The following VSTM1 variants were observed in gnomAD, a reference collection of about 807,000 sequenced individuals.
The protein encoded by VSTM1 is V-set and transmembrane domain-containing protein 1.
VSTM1 carries 27 observed loss-of-function variants against 33.1 expected under a neutral mutation model. That is an observed-to-expected ratio of 0.82 (90% CI 0.60 to 1.12). The LOEUF (loss-of-function observed/expected upper bound fraction) is 1.12. Among genes scored for constraint, VSTM1 ranks in the 50% most tolerant of loss-of-function variants. VSTM1 has a pLI of 0.00. For synonymous variants in VSTM1, 115 were observed against 110.3 expected (o/e 1.04, Z -0.27); for missense variants, 304 against 288.9 (o/e 1.05, Z -0.38).
At chr19:54,049,037 T>C (rs188600686) in intron 4 of VSTM1, among the ~76,000 whole-genome samples, 14 of 152,204 alleles carry the variant, frequency 9.2e-5, no homozygotes, top group Middle Eastern at 3.4e-3. Context: ...TGAGCTGAGA[T>C]TGTGCCACTG....
intron 6 of VSTM1, 84 bp from the exon 7 acceptor site, chr19:54,042,037 G>A: frequency 2.5e-6 from 4 of 1,604,716 alleles, no homozygotes; most frequent in Non-Finnish European, 3.4e-6. Context: ...GAGGAAGGGA[G>A]AAGAAGGGAG....
intron 6 of VSTM1, 35 bp from the exon 7 acceptor site, chr19:54,041,988 G>C: frequency 6.2e-7 from 1 of 1,614,008 alleles, no homozygotes; most frequent in South Asian, 1.1e-5. Flanking sequence ...AGGATGGGAT[G>C]TGAAGATTTC....
Position 54,042,163 on chromosome 19 carries a change from A to G in VSTM1, c.515+6T>C, listed in dbSNP as rs757417474. The G allele has an allele frequency of 1.1e-5, 18 of 1,613,934 alleles. No homozygotes were observed. In the South Asian group the frequency reaches 1.9e-4, roughly 17 times the overall value. ...AAGTGGAGCATGAGCTATGCCAAGC[A>G]TCTACCTCTTGGTGGATTCCTCAGA... On this transcript the variant is annotated splice_donor_region_variant and intron_variant, in intron 6 of 8. Coordinates refer to ENST00000338372, the MANE Select transcript of VSTM1 (RefSeq NM_198481.4).
rs1367593974 is a variant in VSTM1 at position 54,057,822 on chromosome 19, A to AG, written c.355+483dup. On this transcript the variant is annotated intron_variant, in intron 3 of 8. Transcript: ENST00000338372. ...AGACTCCCTCTCAAAAAAAAAAAAAAGGCTGGGTGTGGAGGTTCACGTTTA... is the reference window on the plus strand; with the variant it reads ...AGACTCCCTCTCAAAAAAAAAAAAAAGGGCTGGGTGTGGAGGTTCACGTTTA... Among the ~76,000 whole-genome samples, 17 of 149,058 alleles carry AG rather than the reference A, an allele frequency of 1.1e-4. No individual in the cohort carries two copies. In the East Asian group the frequency reaches 3.3e-3, roughly 29 times the overall value.
Position 54,063,820 on chromosome 19 carries a change from C to A in VSTM1, c.-43G>T. 1 of 1,612,274 alleles carries A rather than the reference C, an allele frequency of 6.2e-7. No individual in the cohort carries two copies. ...AACCAAGGCCCCGCCTTGGGTTTTA[C>A]CCTTCAAAGGCGGAGCGGGACTGGG... On this transcript the variant is annotated 5_prime_UTR_variant, in exon 1 of 9. Coordinates refer to ENST00000338372, the MANE Select transcript of VSTM1 (RefSeq NM_198481.4).
At chr19:54,042,806 G>GTATATATA (rs1203522841) in intron 4 of VSTM1, among the ~76,000 whole-genome samples, 1,005 of 57,624 alleles carry the variant, frequency 0.017, 23 homozygotes, top group East Asian at 0.034. Flanking sequence ...ATATAAATGT[G>GTATATATA]TATATATATA....
chr19:54,048,419 A>T, intron 4 of VSTM1: 2 of 337,510 alleles, frequency 5.9e-6, no homozygotes, highest in South Asian at 4.2e-5. Context: ...CCCGGCAAAG[A>T]TATTTTATTC....
At chr19:54,042,234 A>G in intron 5 of VSTM1, 38 bp from the exon 6 acceptor site, 1 of 1,613,946 alleles carries the variant, frequency 6.2e-7, no homozygotes. Flanking sequence ...TACCGAGAAA[A>G]TCCTTCACTC....
chr19:54,056,879 G>A (rs1167788681), intron 3 of VSTM1, among the ~76,000 whole-genome samples: 2 of 137,940 alleles, frequency 1.4e-5, no homozygotes, highest in Admixed American at 7.5e-5. Flanking sequence ...TTTAGACGGA[G>A]TCTTGCTCTT....
At chr19:54,042,731 C>CAT (rs1336139150) in intron 4 of VSTM1, among the ~76,000 whole-genome samples, 31 of 124,874 alleles carry the variant, frequency 2.5e-4, no homozygotes, top group East Asian at 7.4e-4. Flanking sequence ...CCAGGTGCTC[C>CAT]ATATATATAT....
In VSTM1 at chr19:54,063,827, A is replaced by G. The variant is rs2146175850; in HGVS notation, c.-50T>C. On this transcript the variant is annotated 5_prime_UTR_variant, in exon 1 of 9. Transcript: ENST00000338372. ...GCCCCGCCTTGGGTTTTACCCTTCA[A>G]AGGCGGAGCGGGACTGGGCCGGCCG... 1 of 1,608,930 alleles carries G rather than the reference A, an allele frequency of 6.2e-7. No homozygotes were observed. The highest frequency in any genetic ancestry group is 8.5e-7 in the Non-Finnish European group (1 of 1,176,766).
intron 1 of VSTM1, 116 bp downstream of exon 1, chr19:54,063,628 G>T: frequency 7.6e-7 from 1 of 1,314,802 alleles, no homozygotes; most frequent in Non-Finnish European, 1.1e-6. Flanking sequence ...CCCACCGCAG[G>T]TGTGCAACAC....
In VSTM1 at chr19:54,041,779, C is replaced by G. The variant is rs368951394; in HGVS notation, c.591G>C (p.Ser197=). Residue 197 remains serine, a splice_region_variant and synonymous_variant, in exon 8 of 9, where the codon TCG becomes TCC. Transcript: ENST00000338372. ...GGGACTCCTAAGCGGGAGGACTCAC[C>G]GAGAGAGATACCCTTTCCATATTGG... The part of the protein sequence containing the change: ...DLSNMERVSL[S]TADPQGVTYA... 1 of 1,613,140 alleles carries G rather than the reference C, an allele frequency of 6.2e-7. No homozygotes were observed. Among genetic ancestry groups the G allele is most frequent in the South Asian group, 1.1e-5 (1 of 90,890 alleles).
At chr19:54,063,113 G>C (rs532332823) in intron 1 of VSTM1, among the ~76,000 whole-genome samples, 1 of 152,022 alleles carries the variant, frequency 6.6e-6, no homozygotes, top group Admixed American at 6.6e-5. Context: ...TGAGGCGGGC[G>C]GATCACCTGA....
At chr19:54,051,992 C>T (rs541659278) in intron 3 of VSTM1, among the ~76,000 whole-genome samples, 127 of 152,200 alleles carry the variant, frequency 8.3e-4, no homozygotes, top group Non-Finnish European at 1.3e-3. Context: ...AACTCCTGGC[C>T]TCAAGTGATC....
At chr19:54,049,740 A>G (rs575687225) in intron 4 of VSTM1, among the ~76,000 whole-genome samples, 4 of 152,300 alleles carry the variant, frequency 2.6e-5, no homozygotes, top group African/African-American at 7.2e-5. Context: ...ATGGAATAAA[A>G]ACGTTTCAAA....
chr19:54,052,981 CAAAAAAAAA>C, intron 3 of VSTM1: 3 of 49,522 alleles, frequency 6.1e-5, no homozygotes, highest in South Asian at 1.3e-3. Flanking sequence ...GACCCTGTCT[CAAAAAAAAA>C]AAAAAAAAAA....
intron 4 of VSTM1, among the ~76,000 whole-genome samples, chr19:54,043,911 G>T (rs1290682626): frequency 1.3e-5 from 2 of 151,972 alleles, no homozygotes; most frequent in Non-Finnish European, 2.9e-5. Context: ...GGAGGTCACA[G>T]ATGGGAGCTC....
At chr19:54,062,922 T>C (rs8111849) in intron 1 of VSTM1, among the ~76,000 whole-genome samples, 28,679 of 151,994 alleles carry the variant, frequency 0.19, 2,872 homozygotes, top group South Asian at 0.22. Context: ...CTAGAGTTTC[T>C]ATGTAGTAAA....
Sources: allele counts gnomAD v4.1 joint callset (sites outside exome capture counted in the v4.1 genomes callset), GRCh38; gene constraint gnomAD v4.1.1; transcripts MANE v1.5; gene names NCBI Gene and HGNC (gene_info 2026-07-23, HGNC 2026-07-21).